ARID2: variants seen among roughly 807,000 people sequenced by gnomAD.
The protein encoded by ARID2 is AT-rich interaction domain 2, also known as AT-rich interactive domain-containing protein 2.
ARID2 carries 32 observed loss-of-function variants against 184.6 expected under a neutral mutation model. That is an observed-to-expected ratio of 0.17 (90% CI 0.13 to 0.23). The LOEUF is 0.23. Among genes scored for constraint, ARID2 ranks in the 10% least tolerant of loss-of-function variants. The pLI is 1.00. For missense variants in ARID2, 1,696 were observed against 2,197.6 expected (o/e 0.77, Z 4.56); for synonymous variants, 836 against 772.6 (o/e 1.08, Z -1.36).
chr12:45,893,363 A>G (rs929079763), intron 18 of ARID2, 57 bp from the exon 19 acceptor site: 1 of 1,540,236 alleles, frequency 6.5e-7, no homozygotes. Flanking sequence ...CATAGTTGTC[A>G]GTCTGTCTGC....
chr12:45,849,099 G>A, intron 13 of ARID2, 129 bp downstream of exon 13: 3 of 1,025,118 alleles, frequency 2.9e-6, no homozygotes, highest in South Asian at 2.2e-5. Context: ...GTATGGATAG[G>A]TTATAGTGTG....
At chr12:45,819,023 A>C (rs901611775) in intron 5 of ARID2, among the ~76,000 whole-genome samples, 1 of 152,118 alleles carries the variant, frequency 6.6e-6, no homozygotes, top group Admixed American at 6.5e-5. Context: ...CCGTTATTCT[A>C]TTTTGATCTT....
chr12:45,905,093 T>C lies in ARID2; in HGVS notation c.*15T>C, dbSNP rs1944507225. On this transcript the variant is annotated 3_prime_UTR_variant, in exon 21 of 21. Transcript: ENST00000334344. ...TGCTGCAGTGAAAAATAATTCCACT[T>C]ACACAGTGGGGGACTCAAAGTCAGC... is the stretch of plus-strand genomic sequence containing the variant. The C allele has an allele frequency of 6.2e-7, 1 of 1,610,676 alleles. No individual in the cohort carries two copies. Among genetic ancestry groups the C allele is most frequent in the Non-Finnish European group, 8.5e-7 (1 of 1,178,258 alleles).
At chr12:45,772,247 C>A (rs1941892255) in intron 3 of ARID2, among the ~76,000 whole-genome samples, 1 of 152,188 alleles carries the variant, frequency 6.6e-6, no homozygotes, top group Admixed American at 6.5e-5. Flanking sequence ...AGGTCAAAAT[C>A]TAGTTATATC....
At chr12:45,825,775 G>A (rs1592100203) in intron 6 of ARID2, among the ~76,000 whole-genome samples, 1 of 151,978 alleles carries the variant, frequency 6.6e-6, no homozygotes, top group African/African-American at 2.4e-5. Flanking sequence ...GAGGCAGAAG[G>A]ATTGCTTGAG....
chr12:45,878,293 G>A (rs146080670), intron 16 of ARID2, among the ~76,000 whole-genome samples: 25 of 152,146 alleles, frequency 1.6e-4, no homozygotes, highest in Non-Finnish European at 2.8e-4. Context: ...TTCTCACTTC[G>A]TTCTTACTTC....
chr12:45,762,209 T>G (rs1391733172), intron 3 of ARID2, among the ~76,000 whole-genome samples: 1 of 152,216 alleles, frequency 6.6e-6, no homozygotes, highest in South Asian at 2.1e-4. Flanking sequence ...TAAATATCTC[T>G]TTAATTTTTC....
At chr12:45,815,737 C>T (rs76611452) in intron 4 of ARID2, among the ~76,000 whole-genome samples, 2,851 of 152,292 alleles carry the variant, frequency 0.019, 47 homozygotes, top group Non-Finnish European at 0.03. Flanking sequence ...CCAAAGCTCA[C>T]TGGAAACTGG....
chr12:45,843,496 A>T (rs1592113800), intron 11 of ARID2, among the ~76,000 whole-genome samples: 1 of 151,722 alleles, frequency 6.6e-6, no homozygotes, highest in African/African-American at 2.4e-5. Flanking sequence ...CCTCCTGAGT[A>T]ACTGGGACTA....
At chr12:45,815,645 G>A (rs1276368961) in intron 4 of ARID2, among the ~76,000 whole-genome samples, 1 of 151,864 alleles carries the variant, frequency 6.6e-6, no homozygotes, top group Non-Finnish European at 1.5e-5. Context: ...AAAATATTCA[G>A]ATATTTCCGA....
chr12:45,878,109 A>T (rs1196150837), intron 16 of ARID2, among the ~76,000 whole-genome samples: 1 of 152,136 alleles, frequency 6.6e-6, no homozygotes, highest in Non-Finnish European at 1.5e-5. Flanking sequence ...TTGTCCTTCC[A>T]TCAGTAAGTT....
chr12:45,798,574 A>T (rs2408435), intron 3 of ARID2, among the ~76,000 whole-genome samples: 92,391 of 151,998 alleles, frequency 0.61, 29,881 homozygotes, highest in African/African-American at 0.85. Context: ...TTTAGGATTT[A>T]TAGTTTAAGC....
chr12:45,892,477 A>ATC (rs889565418), intron 18 of ARID2, among the ~76,000 whole-genome samples: 3 of 103,080 alleles, frequency 2.9e-5, no homozygotes, highest in African/African-American at 1.8e-4. Flanking sequence ...TCTTGTCATT[A>ATC]TCATATATAT....
chr12:45,749,626 A>G (rs975450385), intron 3 of ARID2, among the ~76,000 whole-genome samples: 9 of 152,208 alleles, frequency 5.9e-5, no homozygotes, highest in African/African-American at 9.7e-5. Flanking sequence ...TTTTTCATCT[A>G]TGTTGAAAAT....
At chr12:45,892,658 G>A (rs1173676182) in intron 18 of ARID2, among the ~76,000 whole-genome samples, 4 of 152,234 alleles carry the variant, frequency 2.6e-5, no homozygotes, top group African/African-American at 9.6e-5. Flanking sequence ...TGAAAGTCAT[G>A]CAGCCAGTTA....
chr12:45,775,915 G>A (rs550628360), intron 3 of ARID2, among the ~76,000 whole-genome samples: 15 of 152,218 alleles, frequency 9.9e-5, no homozygotes, highest in African/African-American at 2.6e-4. Flanking sequence ...TTTAACCTAC[G>A]TTGTTGTAAT....
intron 16 of ARID2, among the ~76,000 whole-genome samples, chr12:45,886,947 A>T (rs1944202339): frequency 6.6e-6 from 1 of 152,172 alleles, no homozygotes; most frequent in East Asian, 1.9e-4. Flanking sequence ...TGCCCTGGAG[A>T]CATTTTCCCC....
Position 45,891,553 on chromosome 12 carries a change from G to C in ARID2, c.4923-227G>C, listed in dbSNP as rs140323742. Reference sequence around the variant, plus strand: ...AGTAGAGTATGGTATTTGTTTATAAGATAATGTTCTATGGTGTTTTTAATG... The same window carrying C: ...AGTAGAGTATGGTATTTGTTTATAACATAATGTTCTATGGTGTTTTTAATG... On this transcript the variant is annotated intron_variant, in intron 16 of 20. Coordinates refer to ENST00000334344, the MANE Select transcript of ARID2 (RefSeq NM_152641.4). Among the ~76,000 whole-genome samples the C allele has an allele frequency of 5.8e-3, 879 of 152,290 alleles. 6 individuals carry two copies. Among genetic ancestry groups the C allele is most frequent in the Non-Finnish European group, 0.01 (682 of 68,016 alleles).
chr12:45,854,698 CATT>C (rs1943613443), intron 15 of ARID2, among the ~76,000 whole-genome samples: 1 of 152,204 alleles, frequency 6.6e-6, no homozygotes, highest in Non-Finnish European at 1.5e-5. Flanking sequence ...CCATCTCCAT[CATT>C]ATGGAATTGT....
Sources: allele counts gnomAD v4.1 joint callset (sites outside exome capture counted in the v4.1 genomes callset), GRCh38; gene constraint gnomAD v4.1.1; transcripts MANE v1.5; gene names NCBI Gene and HGNC (gene_info 2026-07-23, HGNC 2026-07-21).